Variants in APMAP observed in about 807,000 individuals in gnomAD.
APMAP encodes adipocyte plasma membrane associated protein, also known as adipocyte plasma membrane-associated protein.
APMAP carries 33 observed loss-of-function variants against 43.6 expected under a neutral mutation model. The observed-to-expected ratio is 0.76, with a 90% CI of 0.57 to 1.01. The LOEUF (loss-of-function observed/expected upper bound fraction) is 1.01. Among genes scored for constraint, APMAP ranks in the 50% least tolerant of loss-of-function variants. APMAP has a pLI of 0.00. For synonymous variants in APMAP, 224 were observed against 216.7 expected (o/e 1.03, Z -0.30); for missense variants, 498 against 540.7 (o/e 0.92, Z 0.78).
At chr20:24,969,242 T>C (rs138403717) in intron 7 of APMAP, among the ~76,000 whole-genome samples, 158 bp from the exon 8 acceptor site, 216 of 152,224 alleles carry the variant, frequency 1.4e-3, no homozygotes, top group African/African-American at 5.0e-3. Context: ...GAAACCTTTG[T>C]GCACAGGGCC....
At chr20:24,978,465 G>C (rs2088069561) in intron 3 of APMAP, among the ~76,000 whole-genome samples, 1 of 152,216 alleles carries the variant, frequency 6.6e-6, no homozygotes, top group Non-Finnish European at 1.5e-5. Context: ...CTAAAAATCA[G>C]TATCTGTATT....
In APMAP at chr20:24,992,556, G is replaced by C. The variant is rs1300374425; in HGVS notation, c.95+38C>G. On this transcript the variant is annotated intron_variant, in intron 1 of 8. Transcript: ENST00000217456. ...AAGAGGGTCGCCCTCCACTCCTAGC[G>C]GCCCGGCTCCAGCGCCCAGTCTGGG... The C allele has an allele frequency of 3.7e-5, 53 of 1,447,184 alleles. No homozygotes were observed. In the East Asian group the frequency reaches 1.1e-3, roughly 29 times the overall value. The allele number at this position is 1,447,184 out of a possible 1,614,324, so 89.6% of individuals were successfully genotyped here.
chr20:24,966,814 G>C (rs1017836196), intron 8 of APMAP, among the ~76,000 whole-genome samples: 1 of 152,116 alleles, frequency 6.6e-6, no homozygotes, highest in Non-Finnish European at 1.5e-5. Context: ...CAGTCACAGG[G>C]GAGCTGTGGG....
intron 5 of APMAP, among the ~76,000 whole-genome samples, chr20:24,971,236 G>C (rs1289040349): frequency 6.6e-6 from 1 of 152,152 alleles, no homozygotes; most frequent in Admixed American, 6.5e-5. Flanking sequence ...ATAAATACTA[G>C]GAGGAAATTA....
chr20:24,978,816 C>G lies in APMAP; in HGVS notation c.279G>C (p.Arg93Ser). Reference protein sequence around the residue: ...HPNTKLRQAERLFENQLVGPE... With the variant: ...HPNTKLRQAESLFENQLVGPE... ...GTCCAACAAGTTGATTTTCAAACAG[C>G]CTTTCTGCCTGTCGCAGCTTCGTAT... The change falls in exon 3 of 9, where the codon AGG becomes AGC. Residue 93 changes from arginine to serine, a missense_variant. Physicochemically the swap from Arg to Ser is moderately radical, Grantham distance 110 (BLOSUM62 -1). Transcript: ENST00000217456. The G allele has an allele frequency of 3.7e-6, 6 of 1,607,758 alleles. No homozygotes were observed. Among genetic ancestry groups the G allele is most frequent in the Non-Finnish European group, 5.1e-6 (6 of 1,176,126 alleles).
chr20:24,977,638 C>T (rs1053064291), intron 3 of APMAP, among the ~76,000 whole-genome samples: 1 of 152,084 alleles, frequency 6.6e-6, no homozygotes, highest in Non-Finnish European at 1.5e-5. Context: ...AAAGCTGGGA[C>T]CTGGTGACAA....
At chr20:24,992,063 G>T (rs55940806) in intron 1 of APMAP, among the ~76,000 whole-genome samples, 13,649 of 152,230 alleles carry the variant, frequency 0.09, 691 homozygotes, top group Middle Eastern at 0.12. Context: ...CGTGAGGGGG[G>T]CAGGTGCAGA....
intron 1 of APMAP, among the ~76,000 whole-genome samples, chr20:24,990,364 T>C (rs748330476): frequency 1.3e-5 from 2 of 152,226 alleles, no homozygotes; most frequent in Non-Finnish European, 2.9e-5. Flanking sequence ...ATTTCTCTTT[T>C]GACTCTATTC....
intron 6 of APMAP, 26 bp downstream of exon 6, chr20:24,970,171 A>G: frequency 6.2e-7 from 1 of 1,613,408 alleles, no homozygotes; most frequent in Non-Finnish European, 8.5e-7. Flanking sequence ...AACTCAACAA[A>G]TGGGAGACCT....
intron 3 of APMAP, among the ~76,000 whole-genome samples, chr20:24,977,842 C>T (rs2088063506): frequency 6.6e-6 from 1 of 152,150 alleles, no homozygotes; most frequent in Admixed American, 6.5e-5. Context: ...AAGAGAAATA[C>T]AAAGTTCTAT....
intron 7 of APMAP, 41 bp from the exon 8 acceptor site, chr20:24,969,125 C>A: frequency 6.6e-7 from 1 of 1,517,600 alleles, no homozygotes; most frequent in Admixed American, 2.3e-5. Flanking sequence ...CATAGCCCCT[C>A]AATTTCAGAA....
chr20:24,979,099 C>G (rs554754546), intron 2 of APMAP, among the ~76,000 whole-genome samples: 213 of 151,352 alleles, frequency 1.4e-3, no homozygotes, highest in Non-Finnish European at 1.2e-3. Flanking sequence ...AGTGCAAGAC[C>G]TTCAGCAATC....
chr20:24,986,594 G>A (rs933318909), intron 1 of APMAP, among the ~76,000 whole-genome samples: 5 of 152,226 alleles, frequency 3.3e-5, no homozygotes, highest in Non-Finnish European at 7.3e-5. Context: ...GCAGGCTCAT[G>A]CAACCTGAGA....
intron 3 of APMAP, among the ~76,000 whole-genome samples, 166 bp from the exon 4 acceptor site, chr20:24,973,903 T>C (rs1206863601): frequency 2.6e-5 from 4 of 152,204 alleles, no homozygotes; most frequent in Non-Finnish European, 5.9e-5. Flanking sequence ...GAAAAATCCT[T>C]AAAACTTACA....
At chr20:24,973,344 A>G (rs1450845608) in intron 4 of APMAP, among the ~76,000 whole-genome samples, 1 of 152,226 alleles carries the variant, frequency 6.6e-6, no homozygotes, top group Non-Finnish European at 1.5e-5. Context: ...CCTCTGAAGT[A>G]CCGCAAAGGT....
At chr20:24,990,591 A>T (rs1453609754) in intron 1 of APMAP, among the ~76,000 whole-genome samples, 2 of 152,212 alleles carry the variant, frequency 1.3e-5, no homozygotes, top group Non-Finnish European at 2.9e-5. Context: ...TAAAGTGCTA[A>T]AGTTTATTCT....
At chr20:24,992,064 C>CA (rs766314684) in intron 1 of APMAP, among the ~76,000 whole-genome samples, 11 of 152,190 alleles carry the variant, frequency 7.2e-5, no homozygotes, top group Non-Finnish European at 1.0e-4. Context: ...GTGAGGGGGG[C>CA]AGGTGCAGAA....
intron 8 of APMAP, among the ~76,000 whole-genome samples, chr20:24,967,938 TCTAA>T (rs1174774638): frequency 6.6e-6 from 1 of 152,144 alleles, no homozygotes; most frequent in African/African-American, 2.4e-5. Context: ...CGTGAGCCAG[TCTAA>T]CTGAGAATGT....
intron 2 of APMAP, among the ~76,000 whole-genome samples, chr20:24,979,377 C>T (rs1339655674): frequency 2.0e-5 from 3 of 152,212 alleles, no homozygotes; most frequent in Admixed American, 6.5e-5. Context: ...CAGCACAGGG[C>T]ACGCCACCTC....
Sources: allele counts gnomAD v4.1 joint callset (sites outside exome capture counted in the v4.1 genomes callset), GRCh38; gene constraint gnomAD v4.1.1; transcripts MANE v1.5; gene names NCBI Gene and HGNC (gene_info 2026-07-23, HGNC 2026-07-21).